The following PCDH15 variants were observed in gnomAD, a reference collection of about 807,000 sequenced individuals.
PCDH15 encodes the protein protocadherin-15.
PCDH15 carries 129 observed loss-of-function variants against 178.5 expected under a neutral mutation model. The ratio of observed to expected loss-of-function variants is 0.72; its 90% confidence interval spans 0.63 to 0.84. The LOEUF is 0.84. Among genes scored for constraint, PCDH15 ranks in the 40% least tolerant of loss-of-function variants. The probability of loss-of-function intolerance (pLI) is 0.00; values close to 1 mark genes in which losing one functional copy is unlikely to be tolerated. For missense variants in PCDH15, 2,230 were observed against 2,099.9 expected, an observed-to-expected ratio of 1.06 and a Z score of -1.21; for synonymous variants, 800 against 732.0, an observed-to-expected ratio of 1.09 and a Z score of -1.50.
At chr10:54,247,043 A>C (rs2056011654) in intron 8 of PCDH15, among the ~76,000 whole-genome samples, 1 of 151,944 alleles carries the variant, frequency 6.6e-6, no homozygotes, top group African/African-American at 2.4e-5. Flanking sequence ...TAAGTCATTT[A>C]TCAGCTTAAT....
intron 2 of PCDH15, among the ~76,000 whole-genome samples, chr10:55,552,773 A>T (rs144347667): frequency 6.6e-6 from 1 of 151,620 alleles, no homozygotes; most frequent in Non-Finnish European, 1.5e-5. Flanking sequence ...GGCTTTTATT[A>T]TAAACTATTA....
At chr10:55,434,813 C>T (rs1016802265) in intron 2 of PCDH15, among the ~76,000 whole-genome samples, 4 of 152,012 alleles carry the variant, frequency 2.6e-5, no homozygotes, top group Non-Finnish European at 5.9e-5. Context: ...ACCATATTGG[C>T]CAGGCTGGTC....
chr10:54,837,934 T>G (rs1483825164), intron 3 of PCDH15, among the ~76,000 whole-genome samples: 1 of 152,156 alleles, frequency 6.6e-6, no homozygotes, highest in East Asian at 1.9e-4. Context: ...ACACATGCTC[T>G]GGGAAACCGT....
At position 53,827,506 on chromosome 10, in the gene PCDH15, T is replaced by C. The variant is rs764548141; in HGVS notation, c.4254A>G (p.Ala1418=). The change falls in exon 32 of 38, where the codon GCA becomes GCG. Residue 1418 remains alanine, a synonymous_variant. Transcript: ENST00000644397. The part of the protein sequence containing the change: ...ECTKTARIQA[A]LPAAKPAVPA... ...GCACTGCTGGTTTAGCCGCGGGTAA[T>C]GCGGCCTGAATTCGTGCAGTCTTTG... The C allele has an allele frequency of 4.2e-5, 68 of 1,613,968 alleles. No homozygotes were observed. Among genetic ancestry groups the C allele is most frequent in the Non-Finnish European group, 4.3e-5 (51 of 1,179,958 alleles).
intron 2 of PCDH15, among the ~76,000 whole-genome samples, chr10:54,552,989 A>T (rs957733903): frequency 2.0e-5 from 3 of 152,174 alleles, no homozygotes; most frequent in Non-Finnish European, 4.4e-5. Flanking sequence ...TACCAATTCT[A>T]AATTATTATG....
At chr10:55,136,728 TC>T (rs1186913148) in intron 2 of PCDH15, among the ~76,000 whole-genome samples, 1 of 152,098 alleles carries the variant, frequency 6.6e-6, no homozygotes, top group African/African-American at 2.4e-5. Context: ...AATATTTCAA[TC>T]AGAAGACCAA....
intron 3 of PCDH15, among the ~76,000 whole-genome samples, chr10:54,877,435 A>G (rs2131801848): frequency 6.6e-6 from 1 of 152,276 alleles, no homozygotes; most frequent in East Asian, 1.9e-4. Flanking sequence ...GTTCTGTGGT[A>G]TTGGACCATG....
In PCDH15 at chr10:54,446,150, C is replaced by A. The variant is rs114879039; in HGVS notation, c.158-67208G>T. 7.2e-3 allele frequency among the ~76,000 whole-genome samples: 1,087 copies of A among 151,622 alleles called. 14 individuals are homozygous for A. The highest frequency in any genetic ancestry group is 0.025 in the African/African-American group (1,023 of 41,456). ...GCATTTCCAAAAACAAACTAGTACA[C>A]AAAACATTAGAGTTGCAATGATACT... On this transcript the variant is annotated intron_variant, in intron 3 of 37. Transcript: ENST00000644397.
At chr10:54,120,495 C>T (rs1385367805) in intron 15 of PCDH15, among the ~76,000 whole-genome samples, 1 of 152,018 alleles carries the variant, frequency 6.6e-6, no homozygotes, top group Non-Finnish European at 1.5e-5. Context: ...CAAAACAAAA[C>T]CAAGATCCAT....
intron 3 of PCDH15, among the ~76,000 whole-genome samples, chr10:54,836,165 A>G (rs1564553590): frequency 6.6e-6 from 1 of 152,210 alleles, no homozygotes; most frequent in African/African-American, 2.4e-5. Flanking sequence ...GAGAAGATAA[A>G]GAGTTAGTGG....
chr10:54,474,431 A>C (rs1394552729), intron 3 of PCDH15, among the ~76,000 whole-genome samples: 1 of 151,966 alleles, frequency 6.6e-6, no homozygotes, highest in Non-Finnish European at 1.5e-5. Flanking sequence ...GCCTGTAAAT[A>C]AGCTTCTTCC....
intron 2 of PCDH15, among the ~76,000 whole-genome samples, chr10:55,085,056 C>A (rs1427272099): frequency 1.3e-5 from 2 of 151,860 alleles, no homozygotes; most frequent in Non-Finnish European, 2.9e-5. Flanking sequence ...ACCCTATGAT[C>A]CAGATATCCT....
chr10:53,992,699 G>A (rs1254926612), intron 21 of PCDH15, among the ~76,000 whole-genome samples: 3 of 152,106 alleles, frequency 2.0e-5, no homozygotes, highest in Non-Finnish European at 4.4e-5. Context: ...CGTCTCTGGT[G>A]AAAAGAAATA....
At chr10:55,585,084 T>C (rs1174815866) in intron 2 of PCDH15, among the ~76,000 whole-genome samples, 1 of 151,694 alleles carries the variant, frequency 6.6e-6, no homozygotes, top group Non-Finnish European at 1.5e-5. Context: ...CTTATATGTA[T>C]ATTTATGGAA....
At chr10:55,162,679 G>A (rs924271281) in intron 2 of PCDH15, among the ~76,000 whole-genome samples, 8 of 152,090 alleles carry the variant, frequency 5.3e-5, no homozygotes, top group South Asian at 2.1e-4. Flanking sequence ...GCTGAGAAGC[G>A]CCTGAATATT....
chr10:54,119,696 G>A (rs1289970911), intron 15 of PCDH15, among the ~76,000 whole-genome samples: 5 of 152,218 alleles, frequency 3.3e-5, no homozygotes, highest in African/African-American at 9.6e-5. Context: ...ATACAGCCAC[G>A]TGACTGTCCA....
In PCDH15 at chr10:55,198,000, G is replaced by A. The variant is rs543992400; in HGVS notation, c.-155-31349C>T. Among the ~76,000 whole-genome samples the A allele has an allele frequency of 1.5e-4, 23 of 152,212 alleles. No homozygotes were observed. The South Asian group carries it at 3.9e-3, about 26-fold the overall frequency. Reference sequence around the variant, plus strand: ...GAATATTCAGACATCTACATAAAAGGGAAATCTGTGGTTCTGTGTTCTGCC... The same window carrying A: ...GAATATTCAGACATCTACATAAAAGAGAAATCTGTGGTTCTGTGTTCTGCC... On this transcript the variant is annotated intron_variant, in intron 1 of 5. Transcript: ENST00000458638.
intron 2 of PCDH15, among the ~76,000 whole-genome samples, chr10:55,118,545 G>A (rs1384983762): frequency 1.3e-5 from 2 of 152,182 alleles, no homozygotes; most frequent in African/African-American, 2.4e-5. Flanking sequence ...ATTTGTGCAT[G>A]TGGGACTCAG....
intron 2 of PCDH15, among the ~76,000 whole-genome samples, chr10:54,928,637 T>C (rs1837689384): frequency 6.6e-6 from 1 of 152,182 alleles, no homozygotes; most frequent in Admixed American, 6.6e-5. Flanking sequence ...TTCATTCCTT[T>C]TCATTACTTT....
Sources: gnomAD v4.1 joint callset for allele counts (sites outside exome capture counted in the v4.1 genomes callset) on GRCh38, gnomAD v4.1.1 for gene constraint, MANE v1.5 for transcripts, NCBI Gene and HGNC (gene_info 2026-07-23, HGNC 2026-07-21) for gene names.